Variants in COL19A1 observed in about 807,000 individuals in gnomAD.
COL19A1 encodes collagen alpha-1(XIX) chain.
Under a neutral mutation model 190.2 loss-of-function variants are expected in COL19A1, and 159 were observed. The ratio of observed to expected loss-of-function variants is 0.84; its 90% CI spans 0.73 to 0.95. The LOEUF (loss-of-function observed/expected upper bound fraction) is 0.95, where lower values mean the gene tolerates loss of function less well. Ranked by LOEUF, COL19A1 falls within the 40% of genes least tolerant of loss-of-function variation. COL19A1 has a pLI of 0.00. For synonymous variants in COL19A1, 509 were observed against 458.9 expected, an observed-to-expected ratio of 1.11 and a Z score of -1.39; for missense variants, 1,418 against 1,431.9, an observed-to-expected ratio of 0.99 and a Z score of 0.16.
chr6:69,903,955 A>G (rs1183092412), intron 4 of COL19A1, among the ~76,000 whole-genome samples: 1 of 152,194 alleles, frequency 6.6e-6, no homozygotes, highest in Non-Finnish European at 1.5e-5. Context: ...TGGTGGGGCT[A>G]TGTATATAGC....
At chr6:70,103,936 C>T (rs574707322) in intron 16 of COL19A1, among the ~76,000 whole-genome samples, 32 of 152,078 alleles carry the variant, frequency 2.1e-4, no homozygotes, top group Middle Eastern at 3.4e-3. Context: ...ATTTTGTAGA[C>T]GAAAAAATTA....
intron 41 of COL19A1, among the ~76,000 whole-genome samples, chr6:70,172,980 G>T (rs569037598): frequency 6.6e-6 from 1 of 152,196 alleles, no homozygotes; most frequent in Non-Finnish European, 1.5e-5. Flanking sequence ...GATATATTTT[G>T]AAGGTAGCAC....
intron 2 of COL19A1, among the ~76,000 whole-genome samples, chr6:69,895,199 G>C (rs1200566384): frequency 6.6e-6 from 1 of 152,062 alleles, no homozygotes; most frequent in Non-Finnish European, 1.5e-5. Context: ...TGGAGCTGCT[G>C]CTCACCAGTC....
intron 11 of COL19A1, among the ~76,000 whole-genome samples, chr6:70,003,799 C>T (rs1206087013): frequency 6.6e-6 from 1 of 152,176 alleles, no homozygotes; most frequent in Non-Finnish European, 1.5e-5. Context: ...CTGAATACAG[C>T]ACAGCAATGG....
intron 2 of COL19A1, chr6:69,890,557 A>G (rs906105830): frequency 7.9e-5 from 12 of 152,314 alleles, no homozygotes; most frequent in African/African-American, 2.9e-4. Context: ...TGGCAGTATG[A>G]CTAAGTTTAC....
rs543830407 is a variant in COL19A1 at position 70,155,554 on chromosome 6, T to C, written c.2080-573T>C. ...TTTCACTTAGATTTCCTATTGTCAC[T>C]TGGATATGACCTAGGAGTCAAGTTT... On this transcript the variant is annotated intron_variant, in intron 31 of 50. Coordinates refer to ENST00000620364, the MANE Select transcript of COL19A1 (RefSeq NM_001858.6). 1.3e-4 allele frequency among the ~76,000 whole-genome samples: 20 copies of C among 152,276 alleles called. No homozygotes were observed. In the South Asian group the frequency reaches 2.9e-3, roughly 22 times the overall value.
At chr6:69,981,401 G>T (rs1042441828) in intron 11 of COL19A1, among the ~76,000 whole-genome samples, 2 of 152,140 alleles carry the variant, frequency 1.3e-5, no homozygotes, top group African/African-American at 2.4e-5. Flanking sequence ...AAAAAATGCA[G>T]AAAAATGTAT....
rs770210874 is a variant in COL19A1, at chr6:70,156,721, G to A, written c.2290G>A (p.Glu764Lys). 17 of 1,608,606 alleles carry A rather than the reference G, an allele frequency of 1.1e-5. No individual in the cohort carries two copies. Among genetic ancestry groups the A allele is most frequent in the African/African-American group, 5.4e-5 (4 of 74,716 alleles). Reference protein sequence around the residue: ...YPGIPGEKGDEGLQGIPGIPG... With the variant: ...YPGIPGEKGDKGLQGIPGIPG... The stretch of plus-strand genomic sequence containing the variant: ...TGGGATACCTGGGGAGAAAGGCGAT[G>A]AGGTAACAGATTCTTTTCTGATTAT... The change falls in exon 34 of 51, where the codon GAG (glutamate) becomes AAG (lysine). Residue 764 changes from glutamate (E) to lysine (K), a missense_variant and splice_region_variant. Transcript: ENST00000620364.
rs1182063692 is a variant in COL19A1 at position 69,932,786 on chromosome 6, G to C, written c.670G>C (p.Glu224Gln). 6.3e-7 allele frequency: 1 copy of C among 1,588,696 alleles called. No individual in the cohort carries two copies. Among genetic ancestry groups the C allele is most frequent in the African/African-American group, 1.4e-5 (1 of 73,956 alleles). Residue 224 changes from glutamate (E) to glutamine (Q), a missense_variant, in exon 7 of 51, where the codon GAA becomes CAA. By Grantham distance (29) the Glu-to-Gln change is conservative. Transcript: ENST00000620364. ...RASDGKPVDI[E>Q]LHQLKIYCSA... ...CTTATTACTAATTTTTTCATAGATTGAACTTCACCAACTTAAAATCTACTG... is the reference window on the plus strand; with the variant it reads ...CTTATTACTAATTTTTTCATAGATTCAACTTCACCAACTTAAAATCTACTG...
At chr6:69,949,308 C>G (rs1452498550) in intron 9 of COL19A1, among the ~76,000 whole-genome samples, 1 of 151,774 alleles carries the variant, frequency 6.6e-6, no homozygotes, top group Non-Finnish European at 1.5e-5. Context: ...GACTCAGTCC[C>G]TGGTGGTGCC....
At chr6:69,982,399 C>T (rs981133150) in intron 11 of COL19A1, among the ~76,000 whole-genome samples, 5 of 151,946 alleles carry the variant, frequency 3.3e-5, no homozygotes, top group South Asian at 2.1e-4. Flanking sequence ...TGCCGCCACA[C>T]CCGACTAATT....
At chr6:69,998,861 T>A (rs778984380) in intron 11 of COL19A1, among the ~76,000 whole-genome samples, 2 of 152,152 alleles carry the variant, frequency 1.3e-5, no homozygotes, top group Non-Finnish European at 2.9e-5. Context: ...CATACATCTA[T>A]CCATCTCTTT....
At chr6:69,956,438 T>G (rs1020937195) in intron 9 of COL19A1, among the ~76,000 whole-genome samples, 1 of 151,888 alleles carries the variant, frequency 6.6e-6, no homozygotes, top group African/African-American at 2.4e-5. Flanking sequence ...TCCCAAAATA[T>G]AGAAGGAAAA....
At chr6:70,023,133 A>AT (rs11383774) in intron 11 of COL19A1, among the ~76,000 whole-genome samples, 10,265 of 110,078 alleles carry the variant, frequency 0.093, 649 homozygotes, top group East Asian at 0.23. Flanking sequence ...TTATGCAGCT[A>AT]TTTTTTTTTT....
At chr6:69,933,387 G>A (rs1228910389) in intron 7 of COL19A1, among the ~76,000 whole-genome samples, 1 of 152,042 alleles carries the variant, frequency 6.6e-6, no homozygotes, top group Non-Finnish European at 1.5e-5. Context: ...ACCAGAATAA[G>A]TCTGAGTCAC....
At chr6:69,906,403 G>C (rs1770550255) in intron 4 of COL19A1, among the ~76,000 whole-genome samples, 1 of 152,148 alleles carries the variant, frequency 6.6e-6, no homozygotes, top group African/African-American at 2.4e-5. Flanking sequence ...GGAATGCTAT[G>C]TTGAGAAGGA....
chr6:70,157,500 T>C (rs1368406700), intron 34 of COL19A1, among the ~76,000 whole-genome samples: 2 of 152,162 alleles, frequency 1.3e-5, no homozygotes, highest in African/African-American at 4.8e-5. Context: ...GATGTTATTG[T>C]AGAAAATCAT....
chr6:70,140,152 G>A (rs959379026), intron 19 of COL19A1, among the ~76,000 whole-genome samples: 3 of 151,814 alleles, frequency 2.0e-5, no homozygotes, highest in African/African-American at 7.3e-5. Flanking sequence ...TATCTGTGGG[G>A]GATGGGTTCC....
chr6:69,909,642 A>G (rs1425255725), intron 4 of COL19A1, among the ~76,000 whole-genome samples: 1 of 152,148 alleles, frequency 6.6e-6, no homozygotes, highest in African/African-American at 2.4e-5. Flanking sequence ...GATAATTTCT[A>G]TATGAGTAAA....
Sources: gnomAD v4.1 joint callset for allele counts (sites outside exome capture counted in the v4.1 genomes callset) on GRCh38, gnomAD v4.1.1 for gene constraint, MANE v1.5 for transcripts, NCBI Gene and HGNC (gene_info 2026-07-23, HGNC 2026-07-21) for gene names.